CNTN4: variants seen among roughly 807,000 people sequenced by gnomAD.
The protein encoded by CNTN4 is contactin 4, also known as contactin-4.
Under a neutral mutation model 122.5 loss-of-function variants are expected in CNTN4, and 77 were observed. The observed-to-expected ratio is 0.63, with a 90% confidence interval of 0.52 to 0.76. The LOEUF is 0.76. Ranked by LOEUF, CNTN4 falls within the 30% of genes least tolerant of loss-of-function variation. The pLI is 0.00. For synonymous variants in CNTN4, 512 were observed against 447.0 expected (o/e 1.15, Z -1.83); for missense variants, 1,256 against 1,259.1 (o/e 1.00, Z 0.04).
At chr3:2,711,819 A>G (rs918492511) in intron 4 of CNTN4, among the ~76,000 whole-genome samples, 1 of 152,232 alleles carries the variant, frequency 6.6e-6, no homozygotes, top group Non-Finnish European at 1.5e-5. Flanking sequence ...ATTCTATAAT[A>G]AAGTCTCAAA....
chr3:2,452,413 T>C (rs1427323119), intron 3 of CNTN4, among the ~76,000 whole-genome samples: 1 of 152,158 alleles, frequency 6.6e-6, no homozygotes, highest in Non-Finnish European at 1.5e-5. Context: ...TGTCCTTACA[T>C]GCCTTCTGGT....
intron 12 of CNTN4, among the ~76,000 whole-genome samples, chr3:2,924,427 A>T (rs1577291421): frequency 6.6e-6 from 1 of 152,166 alleles, no homozygotes; most frequent in African/African-American, 2.4e-5. Context: ...CACCAGGTCA[A>T]ACTGCAATGA....
At chr3:2,837,584 G>A (rs188242214) in intron 7 of CNTN4, among the ~76,000 whole-genome samples, 4 of 152,252 alleles carry the variant, frequency 2.6e-5, no homozygotes, top group South Asian at 2.1e-4. Context: ...AACCACCCCC[G>A]TTCCCAAATG....
At chr3:2,184,988 C>T (rs2037181111) in intron 2 of CNTN4, among the ~76,000 whole-genome samples, 1 of 152,118 alleles carries the variant, frequency 6.6e-6, no homozygotes, top group Non-Finnish European at 1.5e-5. Context: ...GGAGAGTGGT[C>T]TACAATCACA....
chr3:2,364,893 T>C (rs187060932), intron 3 of CNTN4, among the ~76,000 whole-genome samples: 157 of 152,330 alleles, frequency 1.0e-3, no homozygotes, highest in African/African-American at 3.6e-3. Flanking sequence ...CTCTGAAATA[T>C]GCTGTTTTCA....
intron 3 of CNTN4, among the ~76,000 whole-genome samples, chr3:2,518,054 G>T (rs776511388): frequency 3.9e-5 from 6 of 152,190 alleles, no homozygotes; most frequent in Non-Finnish European, 7.4e-5. Flanking sequence ...GTATTCGGTT[G>T]ATTGCTGTTG....
chr3:2,723,181 T>C (rs1350307831), intron 4 of CNTN4, among the ~76,000 whole-genome samples: 3 of 152,160 alleles, frequency 2.0e-5, no homozygotes, highest in African/African-American at 7.2e-5. Flanking sequence ...TGAAAAACAT[T>C]TCATTTTTAA....
intron 2 of CNTN4, among the ~76,000 whole-genome samples, chr3:2,130,737 G>T (rs570699375): frequency 6.6e-6 from 1 of 152,242 alleles, no homozygotes; most frequent in Admixed American, 6.5e-5. Flanking sequence ...TGAATAAACA[G>T]GTTTTTTGAA....
intron 2 of CNTN4, among the ~76,000 whole-genome samples, chr3:2,156,610 A>G (rs552402089): frequency 6.6e-6 from 1 of 152,326 alleles, no homozygotes; most frequent in East Asian, 1.9e-4. Flanking sequence ...TTGTTTGCAT[A>G]AGTCTGTAAG....
chr3:2,233,868 A>T (rs1195896023), intron 2 of CNTN4, among the ~76,000 whole-genome samples: 1 of 152,214 alleles, frequency 6.6e-6, no homozygotes, highest in African/African-American at 2.4e-5. Flanking sequence ...TCTCAGAATT[A>T]TCCATGCCCT....
intron 3 of CNTN4, among the ~76,000 whole-genome samples, chr3:2,467,521 T>TG (rs2075545505): frequency 6.6e-6 from 1 of 152,200 alleles, no homozygotes; most frequent in Non-Finnish European, 1.5e-5. Flanking sequence ...TTTCTCCTTA[T>TG]GTTTGTATGA....
intron 3 of CNTN4, among the ~76,000 whole-genome samples, chr3:2,396,623 G>A (rs1484733481): frequency 6.6e-6 from 1 of 150,550 alleles, no homozygotes; most frequent in African/African-American, 2.4e-5. Context: ...TGCAAAGGCA[G>A]CACTAATTTT....
intron 2 of CNTN4, among the ~76,000 whole-genome samples, chr3:2,246,172 T>A (rs2040138017): frequency 6.6e-6 from 1 of 151,620 alleles, no homozygotes; most frequent in African/African-American, 2.4e-5. Flanking sequence ...AAAAAAAATA[T>A]CATACAATGC....
chr3:2,943,610 A>ATT (rs1559699016), intron 13 of CNTN4, among the ~76,000 whole-genome samples: 99 of 118,438 alleles, frequency 8.4e-4, no homozygotes, highest in African/African-American at 8.4e-4. Context: ...ATATAAATAT[A>ATT]TTTATATATA....
intron 3 of CNTN4, among the ~76,000 whole-genome samples, chr3:2,561,461 C>G (rs1575998939): frequency 6.6e-6 from 1 of 152,096 alleles, no homozygotes; most frequent in Non-Finnish European, 1.5e-5. Context: ...TGCATCCGCT[C>G]TCCTCCAGTG....
chr3:2,462,669 T>C (rs1178574187), intron 3 of CNTN4, among the ~76,000 whole-genome samples: 1 of 152,208 alleles, frequency 6.6e-6, no homozygotes, highest in African/African-American at 2.4e-5. Context: ...AAAATATTTT[T>C]ATACCTACAT....
intron 2 of CNTN4, among the ~76,000 whole-genome samples, chr3:2,320,856 T>A (rs989455731): frequency 6.6e-6 from 1 of 152,174 alleles, no homozygotes; most frequent in Non-Finnish European, 1.5e-5. Flanking sequence ...TAAGTACATC[T>A]GTGTTTATTT....
chr3:2,278,757 T>G (rs1404793540), intron 2 of CNTN4, among the ~76,000 whole-genome samples: 1 of 149,804 alleles, frequency 6.7e-6, no homozygotes, highest in African/African-American at 2.6e-5. Flanking sequence ...TTTCCTCATT[T>G]GTAAAATGGC....
intron 15 of CNTN4, among the ~76,000 whole-genome samples, chr3:3,028,623 C>A (rs2125656853): frequency 6.6e-6 from 1 of 152,246 alleles, no homozygotes; most frequent in Admixed American, 6.5e-5. Context: ...GCCAATGTGG[C>A]TTCCCACCTT....
Sources: allele counts gnomAD v4.1 joint callset (sites outside exome capture counted in the v4.1 genomes callset), GRCh38; gene constraint gnomAD v4.1.1; transcripts MANE v1.5; gene names NCBI Gene and HGNC (gene_info 2026-07-23, HGNC 2026-07-21).